The following PGK1 variants were observed in gnomAD, a reference collection of about 807,000 sequenced individuals.
PGK1 encodes phosphoglycerate kinase 1, also known as PRP 2.
A neutral mutation model predicts 26.9 loss-of-function variants in PGK1; 3 were observed. That is an observed-to-expected ratio of 0.11 (90% confidence interval 0.05 to 0.29). PGK1 has a LOEUF of 0.29. Ranked by LOEUF, PGK1 falls within the 10% of genes least tolerant of loss-of-function variation. The probability of loss-of-function intolerance (pLI) is 1.00; values close to 1 mark genes in which losing one functional copy is unlikely to be tolerated. For synonymous variants in PGK1, 125 were observed against 115.3 expected (o/e 1.08, Z -0.54); for missense variants, 270 against 314.7 (o/e 0.86, Z 1.07).
chrX:78,105,106 C>G (rs1352471652), intron 1 of PGK1, among the ~76,000 whole-genome samples: 2 of 112,235 alleles, frequency 1.8e-5, no homozygotes, highest in African/African-American at 6.5e-5. Context: ...TACTTGCTGG[C>G]CTCCAATCTC....
chrX:78,118,198 T>A, intron 6 of PGK1, 28 bp downstream of exon 6: 1 of 1,205,030 alleles, frequency 8.3e-7, no homozygotes, highest in Admixed American at 2.2e-5. Flanking sequence ...AGATCATGCT[T>A]TAAGTATTGT....
rs782114180 is a variant in PGK1, at chrX:78,127,482, T to G, written c.*1652T>G. The G allele has an allele frequency of 6.2e-5, 7 of 112,117 alleles. No individual in the cohort carries two copies. Among genetic ancestry groups the G allele is most frequent in the Non-Finnish European group, 1.3e-4 (7 of 53,278 alleles). The allele number at this position is 112,117 out of a possible 1,213,427, so 9.2% of individuals were successfully genotyped here. A position where few individuals can be genotyped will look rare whatever the true frequency, so the allele number is the denominator to read the frequency against. On this transcript the variant is annotated 3_prime_UTR_variant, in exon 11 of 11. Coordinates refer to ENST00000373316, the MANE Select transcript of PGK1 (RefSeq NM_000291.4). The stretch of plus-strand genomic sequence containing the variant: ...CCAGAAATTCTGTGCTGGAAAGATA[T>G]GTATTTCACCTTTAGGGACAAAGAA...
At chrX:78,119,088 G>A (rs920919644) in intron 6 of PGK1, among the ~76,000 whole-genome samples, 5 of 111,313 alleles carry the variant, frequency 4.5e-5, no homozygotes, top group Non-Finnish European at 7.5e-5. Flanking sequence ...ACCTGGCAGG[G>A]TATAACTATA....
Position 78,127,936 on chromosome X carries a change from G to T in PGK1, c.*2106G>T, listed in dbSNP as rs1461951378. 8.9e-6 allele frequency: 1 copy of T among 111,972 alleles called. No homozygotes were observed. The highest frequency in any genetic ancestry group is 3.2e-5 in the African/African-American group (1 of 30,774). The allele number at this position is 111,972 out of a possible 1,213,427, so 9.2% of individuals were successfully genotyped here. ...AAAATTATTTCAAATGGAACTGAAA[G>T]AAGCATAAACTCCCATAAACCCAGC... On this transcript the variant is annotated 3_prime_UTR_variant, in exon 11 of 11. Coordinates refer to ENST00000373316, the MANE Select transcript of PGK1 (RefSeq NM_000291.4).
Position 78,113,842 on chromosome X carries a change from T to C in PGK1, c.215T>C (p.Met72Thr). Reference protein sequence around the residue: ...SHLGRPDGVPMPDKYSLEPVA... With the variant: ...SHLGRPDGVPTPDKYSLEPVA... Reference sequence around the variant, plus strand: ...CTAGGCCGGCCTGATGGTGTGCCCATGCCTGACAAGTACTCCTTAGAGCCA... The same window carrying C: ...CTAGGCCGGCCTGATGGTGTGCCCACGCCTGACAAGTACTCCTTAGAGCCA... Residue 72 changes from methionine (M) to threonine (T), a missense_variant, in exon 3 of 11, where the codon ATG (methionine) becomes ACG (threonine). Physicochemically the swap from Met to Thr is moderately conservative, Grantham distance 81 (BLOSUM62 -1). Transcript: ENST00000373316. 1 of 1,211,272 alleles carries C rather than the reference T, an allele frequency of 8.3e-7. No homozygotes were observed. The highest frequency in any genetic ancestry group is 1.1e-6 in the Non-Finnish European group (1 of 894,867).
At chrX:78,117,192 A>C in intron 4 of PGK1, 120 bp from the exon 5 acceptor site, 1 of 537,485 alleles carries the variant, frequency 1.9e-6, no homozygotes, top group Non-Finnish European at 3.3e-6. Flanking sequence ...TGGTTGTAAA[A>C]AATCGCTGTC....
intron 1 of PGK1, chrX:78,106,325 A>G (rs1644806366): frequency 1.0e-5 from 6 of 602,392 alleles, no homozygotes; most frequent in Non-Finnish European, 1.0e-5. Context: ...ATTCGAGACA[A>G]TGACCAAGGA....
rs1401810157 is a variant in PGK1, at chrX:78,128,657, CCTAGA to C, written c.*2831_*2835del. 6 of 112,167 alleles carry C rather than the reference CCTAGA, an allele frequency of 5.3e-5. No individual in the cohort carries two copies. Among genetic ancestry groups the C allele is most frequent in the African/African-American group, 1.9e-4 (6 of 30,880 alleles). 9.2% of individuals were successfully genotyped at this position (112,167 alleles called of 1,213,427 possible). A position where few individuals can be genotyped will look rare whatever the true frequency, so the allele number is the denominator to read the frequency against. On this transcript the variant is annotated 3_prime_UTR_variant, in exon 11 of 11. Transcript: ENST00000373316. ...TTTAAGTTGTAAATTCACCTTTAAC[CCTAGA>C]CTATATATGTGTGTTTATATGCAGA...
chrX:78,118,081 G>T lies in PGK1; in HGVS notation c.552G>T (p.Lys184Asn), dbSNP rs782795716. 1.7e-6 allele frequency: 2 copies of T among 1,206,683 alleles called. No individual in the cohort carries two copies. Among genetic ancestry groups the T allele is most frequent in the South Asian group, 3.5e-5 (2 of 56,843 alleles). The change falls in exon 6 of 11, where the codon AAG becomes AAT. Residue 184 changes from lysine (K) to asparagine (N), a missense_variant. This residue lies in a region of PGK1 where 150 missense variants were observed against 154.6 expected (regional missense o/e 0.97). Transcript: ENST00000373316. ...TGGTAGGAGTCAATCTGCCACAGAA[G>T]GCTGGTGGGTTTTTGATGAAGAAGG... ...SSMVGVNLPQKAGGFLMKKEL... is the reference protein window; with the variant it reads ...SSMVGVNLPQNAGGFLMKKEL...
Position 78,127,124 on chromosome X carries a change from C to T in PGK1, c.*1294C>T, listed in dbSNP as rs2078387074. The T allele has an allele frequency of 6.2e-5, 7 of 112,574 alleles. No individual in the cohort carries two copies. In the South Asian group the frequency reaches 1.1e-3, roughly 17 times the overall value. 9.3% of individuals were successfully genotyped at this position (112,574 alleles called of 1,213,427 possible). On this transcript the variant is annotated 3_prime_UTR_variant, in exon 11 of 11. Transcript: ENST00000373316. ...GTTTTCTGGATTCCCCCTTTTCCCT[C>T]TTTCTTGGTCTACTTTTTGTAGAAC...
rs1163385638 is a variant in PGK1, at chrX:78,128,816, A to G, written c.*2986A>G. On this transcript the variant is annotated 3_prime_UTR_variant, in exon 11 of 11. Coordinates refer to ENST00000373316, the MANE Select transcript of PGK1 (RefSeq NM_000291.4). ...ATGATCAAAAAGGAGTATACAATGA[A>G]GACACCTTCCTCAGTCCCCTACCTA... 2.7e-5 allele frequency: 3 copies of G among 111,647 alleles called. No homozygotes were observed. The highest frequency in any genetic ancestry group is 9.8e-5 in the African/African-American group (3 of 30,662). The allele number at this position is 111,647 out of a possible 1,213,427, so 9.2% of individuals were successfully genotyped here. A position where few individuals can be genotyped will look rare whatever the true frequency, so the allele number is the denominator to read the frequency against.
In PGK1 at chrX:78,118,149, C is replaced by T. The variant is rs1557247651; in HGVS notation, c.620C>T (p.Pro207Leu). Residue 207 changes from proline to leucine, a missense_variant, in exon 6 of 11, where the codon CCC becomes CTC. Around this residue, in one of 3 missense-constraint regions of PGK1, gnomAD observed 150 missense variants for 154.6 expected, o/e 0.97. Coordinates refer to ENST00000373316, the MANE Select transcript of PGK1 (RefSeq NM_000291.4). ...AAGGCCTTGGAGAGCCCAGAGCGAC[C>T]CTTCCTGGCCATCCTGGGCGGGTAT... ...FAKALESPER[P>L]FLAILGGAKV... 3 of 1,210,700 alleles carry T rather than the reference C, an allele frequency of 2.5e-6. No homozygotes were observed. The highest frequency in any genetic ancestry group is 3.4e-6 in the Non-Finnish European group (3 of 894,724).
chrX:78,109,843 T>C (rs782156454), intron 1 of PGK1, 24 bp from the exon 2 acceptor site: 2 of 1,126,251 alleles, frequency 1.8e-6, no homozygotes, highest in Middle Eastern at 2.4e-4. Flanking sequence ...AAGTTGATCA[T>C]GGTCTTGCAT....
At position 78,127,580 on chromosome X, in the gene PGK1, G is replaced by A. The variant is rs782523280; in HGVS notation, c.*1750G>A. 4 of 111,997 alleles carry A rather than the reference G, an allele frequency of 3.6e-5. No individual in the cohort carries two copies. In the South Asian group the frequency reaches 1.5e-3, roughly 42 times the overall value. The allele number at this position is 111,997 out of a possible 1,213,427, so 9.2% of individuals were successfully genotyped here. A position where few individuals can be genotyped will look rare whatever the true frequency, so the allele number is the denominator to read the frequency against. Reference sequence around the variant, plus strand: ...TCAAGTCCAGGTTTGTCTGGTTCCAGTGGCTGATGCTTTTCCAATGTGCCT... The same window carrying A: ...TCAAGTCCAGGTTTGTCTGGTTCCAATGGCTGATGCTTTTCCAATGTGCCT... On this transcript the variant is annotated 3_prime_UTR_variant, in exon 11 of 11. Coordinates refer to ENST00000373316, the MANE Select transcript of PGK1 (RefSeq NM_000291.4).
Position 78,113,908 on chromosome X carries a change from C to T in PGK1, c.272+9C>T. The T allele has an allele frequency of 8.3e-7, 1 of 1,211,060 alleles. No individual in the cohort carries two copies. The highest frequency in any genetic ancestry group is 1.1e-6 in the Non-Finnish European group (1 of 894,666). On this transcript the variant is annotated intron_variant, in intron 3 of 10. Coordinates refer to ENST00000373316, the MANE Select transcript of PGK1 (RefSeq NM_000291.4). ...AAATCTCTGCTGGGCAAGTAAGTGC[C>T]AGGCTCTGGTGCTGGTAGACTTTGT...
intron 5 of PGK1, among the ~76,000 whole-genome samples, chrX:78,117,836 A>G (rs782122211): frequency 1.7e-4 from 19 of 112,318 alleles, no homozygotes; most frequent in African/African-American, 5.8e-4. Context: ...AATTCTACCT[A>G]AGTTCATTAC....
chrX:78,125,676 G>A (rs1569550919), intron 10 of PGK1, 114 bp from the exon 11 acceptor site: 2 of 718,163 alleles, frequency 2.8e-6, no homozygotes, highest in East Asian at 3.2e-5. Flanking sequence ...CCAGCTCCTG[G>A]CCATATATCC....
intron 2 of PGK1, among the ~76,000 whole-genome samples, chrX:78,111,618 G>A (rs1345575873): frequency 1.8e-5 from 2 of 111,846 alleles, no homozygotes; most frequent in Non-Finnish European, 1.9e-5. Context: ...AATGACTGTC[G>A]TAATGGACAG....
rs11330839 is a variant in PGK1 at position 78,114,581 on chromosome X, CAA to C, written c.417+433_417+434del. On this transcript the variant is annotated intron_variant, in intron 4 of 10. Transcript: ENST00000373316. The stretch of plus-strand genomic sequence containing the variant: ...CTTATTTCATAAAGAAACTAAGTCT[CAA>C]AAAAAAAAAAACTTAAGTTTCTGAA... Among the ~76,000 whole-genome samples the C allele has an allele frequency of 4.4e-3, 422 of 94,984 alleles. 2 individuals are homozygous for C. Among genetic ancestry groups the C allele is most frequent in the African/African-American group, 0.015 (399 of 27,512 alleles). 82.5% of individuals were successfully genotyped at this position (94,984 alleles called of 115,157 possible).
Sources: gnomAD v4.1 joint callset for allele counts (sites outside exome capture counted in the v4.1 genomes callset) on GRCh38, gnomAD v4.1.1 for gene constraint, gnomAD v4.1.1 regional missense constraint, MANE v1.5 for transcripts, NCBI Gene and HGNC (gene_info 2026-07-23, HGNC 2026-07-21) for gene names.